The following SGCZ variants were observed in gnomAD, a reference collection of about 807,000 sequenced individuals.
The protein encoded by SGCZ is zeta-sarcoglycan.
Under a neutral mutation model 41.3 loss-of-function variants are expected in SGCZ, and 40 were observed. The ratio of observed to expected loss-of-function variants is 0.97; its 90% CI spans 0.75 to 1.26. The LOEUF is 1.26. SGCZ is among the 50% of genes most tolerant of loss of function. The probability of loss-of-function intolerance (pLI) is 0.00; values close to 1 mark genes in which losing one functional copy is unlikely to be tolerated. For missense variants in SGCZ, 552 were observed against 369.8 expected (o/e 1.49, Z -4.04); for synonymous variants, 206 against 137.5 (o/e 1.50, Z -3.49).
At chr8:14,520,221 T>C (rs1301204447) in intron 2 of SGCZ, among the ~76,000 whole-genome samples, 1 of 152,080 alleles carries the variant, frequency 6.6e-6, no homozygotes, top group Admixed American at 6.6e-5. Context: ...TATTATTTTT[T>C]CTCAATGAGT....
intron 2 of SGCZ, among the ~76,000 whole-genome samples, chr8:14,391,705 T>G (rs966903214): frequency 1.3e-5 from 2 of 152,164 alleles, no homozygotes; most frequent in African/African-American, 4.8e-5. Flanking sequence ...CGGGAGTGTT[T>G]TAGTTTGTTC....
Position 14,425,797 on chromosome 8 carries a change from T to C in SGCZ, c.235-101593A>G, listed in dbSNP as rs535024842. 5.9e-5 allele frequency among the ~76,000 whole-genome samples: 9 copies of C among 152,156 alleles called. No homozygotes were observed. The East Asian group carries it at 1.7e-3, about 29-fold the overall frequency. ...GAAGTAGTAAAAGTGGTACAGACTA[T>C]AATCCCAAGCTAATAAAATGTCAGT... is the stretch of plus-strand genomic sequence containing the variant. On this transcript the variant is annotated intron_variant, in intron 2 of 7. Coordinates refer to ENST00000382080, the MANE Select transcript of SGCZ (RefSeq NM_139167.4).
intron 4 of SGCZ, among the ~76,000 whole-genome samples, chr8:14,189,882 C>A (rs1389628565): frequency 6.6e-6 from 1 of 152,126 alleles, no homozygotes. Context: ...ATGTTTCTAA[C>A]CTGTAAGAGA....
chr8:14,236,932 TAAC>T (rs1419890432), intron 4 of SGCZ, among the ~76,000 whole-genome samples: 2 of 152,018 alleles, frequency 1.3e-5, no homozygotes, highest in African/African-American at 4.8e-5. Context: ...TAATTTATAT[TAAC>T]AACACATAAA....
chr8:14,190,666 G>A (rs1356646828), intron 4 of SGCZ, among the ~76,000 whole-genome samples: 2 of 151,766 alleles, frequency 1.3e-5, no homozygotes, highest in Non-Finnish European at 2.9e-5. Context: ...GCAGTGACGC[G>A]ATCTCGGCTC....
intron 1 of SGCZ, among the ~76,000 whole-genome samples, chr8:14,870,320 A>G (rs887403894): frequency 1.3e-5 from 2 of 152,104 alleles, no homozygotes; most frequent in African/African-American, 4.8e-5. Flanking sequence ...GTGAAACCCC[A>G]TCCCTACTAC....
At chr8:14,126,070 C>G (rs1802849921) in intron 5 of SGCZ, among the ~76,000 whole-genome samples, 1 of 152,072 alleles carries the variant, frequency 6.6e-6, no homozygotes. Context: ...TAGGCATGGG[C>G]AAAGATTTTA....
At chr8:14,567,823 T>G (rs989456134) in intron 1 of SGCZ, among the ~76,000 whole-genome samples, 1 of 151,840 alleles carries the variant, frequency 6.6e-6, no homozygotes, top group Non-Finnish European at 1.5e-5. Context: ...CCTTAAGAGC[T>G]GTAACACTCA....
chr8:14,410,980 A>G (rs1490501821), intron 2 of SGCZ, among the ~76,000 whole-genome samples: 1 of 152,156 alleles, frequency 6.6e-6, no homozygotes, highest in Non-Finnish European at 1.5e-5. Flanking sequence ...TTCAATAGCA[A>G]TTTTAAAAAC....
intron 1 of SGCZ, among the ~76,000 whole-genome samples, chr8:14,609,682 G>A (rs1727049232): frequency 6.6e-6 from 1 of 152,148 alleles, no homozygotes; most frequent in Non-Finnish European, 1.5e-5. Flanking sequence ...GAGATGCCAG[G>A]CTCCAGTCCT....
chr8:14,844,626 G>A lies in SGCZ; in HGVS notation c.40-289700C>T, dbSNP rs534980812. ...CCTAACATGAGGAGATTTGGGGCCT[G>A]TTTTTTTCCGAGCACATGAGCCTAA... On this transcript the variant is annotated intron_variant, in intron 1 of 7. Transcript: ENST00000382080. Among the ~76,000 whole-genome samples, 11 of 152,196 alleles carry A rather than the reference G, an allele frequency of 7.2e-5. No homozygotes were observed. In the East Asian group the frequency reaches 1.7e-3, roughly 24 times the overall value.
intron 1 of SGCZ, among the ~76,000 whole-genome samples, chr8:14,729,228 C>A (rs1484985968): frequency 6.6e-6 from 1 of 152,114 alleles, no homozygotes; most frequent in East Asian, 1.9e-4. Flanking sequence ...ATGAAGTAAC[C>A]ATGCCCAGTC....
intron 1 of SGCZ, among the ~76,000 whole-genome samples, chr8:15,228,886 C>T (rs893074597): frequency 6.6e-6 from 1 of 152,166 alleles, no homozygotes; most frequent in Non-Finnish European, 1.5e-5. Flanking sequence ...ATCTTCGTAG[C>T]TCTTGATAAA....
intron 3 of SGCZ, among the ~76,000 whole-genome samples, chr8:14,281,421 C>T (rs940350759): frequency 1.4e-4 from 21 of 151,370 alleles, no homozygotes; most frequent in African/African-American, 5.1e-4. Flanking sequence ...TAATTTTAAG[C>T]AATATTTGTA....
intron 2 of SGCZ, among the ~76,000 whole-genome samples, chr8:14,384,306 T>C (rs1020541300): frequency 3.3e-5 from 5 of 152,166 alleles, no homozygotes; most frequent in Admixed American, 6.6e-5. Flanking sequence ...TATCATTTTT[T>C]TATGGCTGCA....
chr8:14,577,384 C>CTTTTTTT (rs57432939), intron 1 of SGCZ, among the ~76,000 whole-genome samples: 1 of 111,886 alleles, frequency 8.9e-6, no homozygotes, highest in Non-Finnish European at 1.8e-5. Context: ...AGAAATATAT[C>CTTTTTTT]TTTTTTTTTT....
chr8:14,531,010 G>C (rs1034597769), intron 2 of SGCZ, among the ~76,000 whole-genome samples: 1 of 151,964 alleles, frequency 6.6e-6, no homozygotes, highest in Non-Finnish European at 1.5e-5. Flanking sequence ...TGACCTTCAA[G>C]TCAAGGACAG....
intron 4 of SGCZ, among the ~76,000 whole-genome samples, chr8:14,223,099 T>C (rs7818579): frequency 0.99 from 151,322 of 152,146 alleles, 75,257 homozygotes; most frequent in East Asian, 1. Context: ...ATTGAGCCAT[T>C]GCCCCCGGCC....
At chr8:15,182,253 C>A (rs1409852216) in intron 1 of SGCZ, among the ~76,000 whole-genome samples, 1 of 152,086 alleles carries the variant, frequency 6.6e-6, no homozygotes, top group Admixed American at 6.6e-5. Context: ...CCTAGATTAT[C>A]AAACTATAAT....
Sources: allele counts gnomAD v4.1 joint callset (sites outside exome capture counted in the v4.1 genomes callset), GRCh38; gene constraint gnomAD v4.1.1; transcripts MANE v1.5; gene names NCBI Gene and HGNC (gene_info 2026-07-23, HGNC 2026-07-21).